The following ANKS6 variants were observed in gnomAD, a reference collection of about 807,000 sequenced individuals.
ANKS6 encodes the protein ankyrin repeat and sterile alpha motif domain containing 6.
ANKS6 carries 47 observed loss-of-function variants against 77.9 expected under a neutral mutation model. That is an observed-to-expected ratio of 0.60 (90% CI 0.48 to 0.77). The LOEUF (loss-of-function observed/expected upper bound fraction) is 0.77. Among genes scored for constraint, ANKS6 ranks in the 30% least tolerant of loss-of-function variants. ANKS6 has a pLI of 0.00. For missense variants in ANKS6, 1,150 were observed against 1,159.1 expected, an observed-to-expected ratio of 0.99 and a Z score of 0.11; for synonymous variants, 488 against 501.7, an observed-to-expected ratio of 0.97 and a Z score of 0.37.
At chr9:98,740,211 C>T (rs570621459) in intron 14 of ANKS6, among the ~76,000 whole-genome samples, 2 of 152,262 alleles carry the variant, frequency 1.3e-5, no homozygotes, top group South Asian at 2.1e-4. Context: ...CTCCAGACCC[C>T]CACACAGACA....
At chr9:98,779,752 C>T (rs1396480275) in intron 6 of ANKS6, among the ~76,000 whole-genome samples, 1 of 152,070 alleles carries the variant, frequency 6.6e-6, no homozygotes, top group Non-Finnish European at 1.5e-5. Flanking sequence ...CAAGCTCCGC[C>T]TCCCGGGTTC....
In ANKS6 at chr9:98,741,688, C is replaced by G. The variant is rs569401990; in HGVS notation, c.2511+3871G>C. ...CAATATATAACTCATCCGAAACTAA[C>G]AAACTAATGAGCAGACTCGAGCACA... On this transcript the variant is annotated intron_variant, in intron 14 of 14. Coordinates refer to ENST00000353234, the MANE Select transcript of ANKS6 (RefSeq NM_173551.5). Among the ~76,000 whole-genome samples, 11 of 152,348 alleles carry G rather than the reference C, an allele frequency of 7.2e-5. No individual in the cohort carries two copies. In the South Asian group the frequency reaches 2.3e-3, roughly 32 times the overall value.
At chr9:98,789,428 T>TTAAA (rs1554750288) in intron 2 of ANKS6, among the ~76,000 whole-genome samples, 1 of 129,994 alleles carries the variant, frequency 7.7e-6, no homozygotes, top group African/African-American at 2.9e-5. Flanking sequence ...GGCAAGAAGT[T>TTAAA]AAAAAAAAAA....
At chr9:98,744,185 G>A (rs1199651364) in intron 14 of ANKS6, among the ~76,000 whole-genome samples, 2 of 152,210 alleles carry the variant, frequency 1.3e-5, no homozygotes, top group African/African-American at 4.8e-5. Flanking sequence ...AAGACTGGAG[G>A]AAAACTACTT....
chr9:98,765,821 C>T (rs775483619), intron 11 of ANKS6, among the ~76,000 whole-genome samples: 10 of 152,106 alleles, frequency 6.6e-5, no homozygotes, highest in Non-Finnish European at 5.9e-5. Flanking sequence ...ACCATTACAG[C>T]GAGTTATTTT....
intron 14 of ANKS6, among the ~76,000 whole-genome samples, chr9:98,738,575 A>G (rs1831628456): frequency 6.7e-6 from 1 of 149,490 alleles, no homozygotes; most frequent in Non-Finnish European, 1.5e-5. Context: ...TAACAAAAAA[A>G]TAAAATAAAA....
chr9:98,743,149 CCTT>C (rs1831930879), intron 14 of ANKS6, among the ~76,000 whole-genome samples: 1 of 152,190 alleles, frequency 6.6e-6, no homozygotes, highest in South Asian at 2.1e-4. Flanking sequence ...CCTTTTCCGT[CCTT>C]CTTCCTTAAC....
At chr9:98,749,018 G>A (rs1205035645) in intron 13 of ANKS6, among the ~76,000 whole-genome samples, 3 of 152,294 alleles carry the variant, frequency 2.0e-5, no homozygotes, top group East Asian at 3.9e-4. Flanking sequence ...CCCTGAAGCT[G>A]TGGTGACTGG....
At chr9:98,752,847 G>A (rs1373049662) in intron 12 of ANKS6, among the ~76,000 whole-genome samples, 1 of 152,192 alleles carries the variant, frequency 6.6e-6, no homozygotes, top group Non-Finnish European at 1.5e-5. Flanking sequence ...GGGATGTGGG[G>A]ACAGAGAGAA....
At chr9:98,746,231 C>T (rs1431333338) in intron 13 of ANKS6, 2 of 152,748 alleles carry the variant, frequency 1.3e-5, no homozygotes, top group African/African-American at 2.4e-5. Flanking sequence ...ATGGCTCTGT[C>T]AACCCTGCCT....
chr9:98,790,317 G>T lies in ANKS6; in HGVS notation c.649C>A (p.Pro217Thr), dbSNP rs1445469725. The T allele has an allele frequency of 3.7e-6, 6 of 1,608,318 alleles. No individual in the cohort carries two copies. In the Admixed American group the frequency reaches 8.3e-5, roughly 22 times the overall value. ...VRLLMEWGAD[P>T]NHAARTVGWS... ...CCCACGGTCCGGGCTGCGTGGTTGG[G>T]GTCCGCGCCCCACTCCATCAGTAGA... The change falls in exon 2 of 15, where the codon CCC (proline) becomes ACC (threonine). Residue 217 changes from proline to threonine, a missense_variant. Transcript: ENST00000353234.
At chr9:98,770,539 G>A (rs1404651778) in intron 10 of ANKS6, among the ~76,000 whole-genome samples, 3 of 151,940 alleles carry the variant, frequency 2.0e-5, no homozygotes, top group African/African-American at 4.8e-5. Flanking sequence ...TGTGAACTTC[G>A]GTTTCATCTG....
In ANKS6 at chr9:98,736,029, G is replaced by A. The variant is rs1831479781; in HGVS notation, c.*490C>T. ...CCCATCTAAGTCAAAAGTTGTTGCT[G>A]GGAAGCCACTATGTGGAGACTGCAC... On this transcript the variant is annotated 3_prime_UTR_variant, in exon 15 of 15. Coordinates refer to ENST00000353234, the MANE Select transcript of ANKS6 (RefSeq NM_173551.5). 1.7e-6 allele frequency: 2 copies of A among 1,201,472 alleles called. No individual in the cohort carries two copies. Among genetic ancestry groups the A allele is most frequent in the East Asian group, 3.5e-5 (1 of 28,394 alleles). 74.4% of individuals were successfully genotyped at this position (1,201,472 alleles called of 1,614,324 possible).
In ANKS6 at chr9:98,790,091, C is replaced by G; in HGVS notation, c.862+13G>C. The G allele has an allele frequency of 1.3e-6, 2 of 1,542,224 alleles. No individual in the cohort carries two copies. The highest frequency in any genetic ancestry group is 1.8e-6 in the Non-Finnish European group (2 of 1,138,012). ...GGGTCCTCTGTGAAGCCACGGGGGGCATGCAGCCTGACCTGTTTTGGGCCT... is the reference window on the plus strand; with the variant it reads ...GGGTCCTCTGTGAAGCCACGGGGGGGATGCAGCCTGACCTGTTTTGGGCCT... On this transcript the variant is annotated intron_variant, in intron 2 of 14. Coordinates refer to ENST00000353234, the MANE Select transcript of ANKS6 (RefSeq NM_173551.5).
At chr9:98,739,504 C>T (rs1288462088) in intron 14 of ANKS6, among the ~76,000 whole-genome samples, 3 of 152,096 alleles carry the variant, frequency 2.0e-5, no homozygotes, top group Non-Finnish European at 4.4e-5. Flanking sequence ...GATACTTAAT[C>T]TCCCTGGGCC....
At chr9:98,787,372 CT>C (rs564456975) in intron 2 of ANKS6, among the ~76,000 whole-genome samples, 21,033 of 141,144 alleles carry the variant, frequency 0.15, 1,563 homozygotes, top group Middle Eastern at 0.26. Context: ...TTACACTGCC[CT>C]TTTTTTTTTT....
chr9:98,755,954 T>C (rs1021961722), intron 12 of ANKS6, among the ~76,000 whole-genome samples: 2 of 152,114 alleles, frequency 1.3e-5, no homozygotes, highest in African/African-American at 4.8e-5. Context: ...GGAGAGAACC[T>C]ACCTGAGACC....
chr9:98,773,917 G>T lies in ANKS6; in HGVS notation c.1781C>A (p.Ala594Asp). The change falls in exon 9 of 15, where the codon GCC becomes GAC. Residue 594 changes from alanine to aspartate, a missense_variant. Coordinates refer to ENST00000353234, the MANE Select transcript of ANKS6 (RefSeq NM_173551.5). The stretch of plus-strand genomic sequence containing the variant: ...GCCGCCCACGGGGTGGCCCCTGCTG[G>T]CTCTCTGGGGCAGCGCAGTCTTCAT... Reference protein sequence around the residue: ...DPMKTALPQRASRGHPVGGGG... With the variant: ...DPMKTALPQRDSRGHPVGGGG... 6.3e-7 allele frequency: 1 copy of T among 1,587,736 alleles called. No homozygotes were observed. Among genetic ancestry groups the T allele is most frequent in the South Asian group, 1.1e-5 (1 of 88,204 alleles).
chr9:98,768,036 C>A, intron 11 of ANKS6, 45 bp downstream of exon 11: 1 of 1,563,130 alleles, frequency 6.4e-7, no homozygotes, highest in South Asian at 1.2e-5. Flanking sequence ...CATGTTAGAA[C>A]AGAATCTGTG....
Sources: gnomAD v4.1 joint callset for allele counts (sites outside exome capture counted in the v4.1 genomes callset) on GRCh38, gnomAD v4.1.1 for gene constraint, MANE v1.5 for transcripts, NCBI Gene and HGNC (gene_info 2026-07-23, HGNC 2026-07-21) for gene names.